Variants in PCDH15 observed in about 807,000 individuals in gnomAD.
PCDH15 encodes the protein protocadherin-15.
In PCDH15, 129 loss-of-function variants were observed where a neutral mutation model predicts 178.5. The observed-to-expected ratio is 0.72, with a 90% confidence interval of 0.63 to 0.84. The LOEUF (loss-of-function observed/expected upper bound fraction) is 0.84. PCDH15 is among the 40% of genes least tolerant of loss of function. The pLI, the probability that PCDH15 is intolerant of heterozygous loss-of-function variation, is 0.00. For synonymous variants in PCDH15, 800 were observed against 732.0 expected, an observed-to-expected ratio of 1.09 and a Z score of -1.50; for missense variants, 2,230 against 2,099.9, an observed-to-expected ratio of 1.06 and a Z score of -1.21.
At chr10:54,726,294 A>G (rs1165818672) in intron 1 of PCDH15, among the ~76,000 whole-genome samples, 1 of 151,660 alleles carries the variant, frequency 6.6e-6, no homozygotes, top group Non-Finnish European at 1.5e-5. Flanking sequence ...GAAAATAATT[A>G]TTATTATAGA....
chr10:55,118,712 C>G (rs1192486172), intron 2 of PCDH15, among the ~76,000 whole-genome samples: 9 of 152,062 alleles, frequency 5.9e-5, no homozygotes, highest in Non-Finnish European at 1.0e-4. Flanking sequence ...AAGGGTGAAG[C>G]CCAGAATTTT....
intron 32 of PCDH15, chr10:53,823,546 T>TA (rs1485411676): frequency 1.5e-5 from 11 of 730,870 alleles, no homozygotes; most frequent in South Asian, 1.0e-4. Flanking sequence ...AGAAAAATCT[T>TA]AGAGTTGTGA....
intron 3 of PCDH15, among the ~76,000 whole-genome samples, chr10:54,812,917 C>T (rs1261359550): frequency 6.6e-6 from 1 of 152,210 alleles, no homozygotes; most frequent in Non-Finnish European, 1.5e-5. Flanking sequence ...TCCAAGAACA[C>T]TATCCTCACT....
intron 10 of PCDH15, among the ~76,000 whole-genome samples, chr10:54,209,519 T>G (rs1435536742): frequency 6.6e-6 from 1 of 152,032 alleles, no homozygotes; most frequent in Non-Finnish European, 1.5e-5. Context: ...GTGTCTAGCT[T>G]GAGTGGGTGA....
intron 1 of PCDH15, among the ~76,000 whole-genome samples, chr10:54,796,171 A>AATT (rs771859274): frequency 7.2e-5 from 11 of 151,768 alleles, no homozygotes; most frequent in Non-Finnish European, 1.5e-4. Context: ...ACACACATTT[A>AATT]ATTTCATTCT....
chr10:54,748,690 G>T (rs912897638), intron 1 of PCDH15, among the ~76,000 whole-genome samples: 5 of 152,274 alleles, frequency 3.3e-5, no homozygotes, highest in Admixed American at 6.5e-5. Flanking sequence ...ATCCTAACCA[G>T]GACCTGGTAA....
At chr10:54,641,536 A>G (rs1448842869) in intron 2 of PCDH15, among the ~76,000 whole-genome samples, 1 of 150,466 alleles carries the variant, frequency 6.6e-6, no homozygotes, top group Non-Finnish European at 1.5e-5. Context: ...TTCCACTTCC[A>G]CTCCCCATTT....
Position 54,244,904 on chromosome 10 carries a change from T to G in PCDH15, c.877-7973A>C, listed in dbSNP as rs146204561. On this transcript the variant is annotated intron_variant, in intron 8 of 37. Transcript: ENST00000644397. The stretch of plus-strand genomic sequence containing the variant: ...AGACAATCTTGGGAGAATTTATTTG[T>G]TCATAATTTTAGTCTCATTAAATTT... 3.9e-4 allele frequency among the ~76,000 whole-genome samples: 59 copies of G among 152,340 alleles called. 1 individual carries two copies. The East Asian group carries it at 9.3e-3, about 24-fold the overall frequency.
chr10:54,574,000 C>A (rs941322917), intron 2 of PCDH15, among the ~76,000 whole-genome samples: 5 of 152,168 alleles, frequency 3.3e-5, no homozygotes, highest in African/African-American at 1.2e-4. Flanking sequence ...ATGGTAGTTT[C>A]TTTTGCTTTG....
intron 22 of PCDH15, 34 bp from the exon 23 acceptor site, chr10:53,959,878 A>T: frequency 6.5e-7 from 1 of 1,539,474 alleles, no homozygotes; most frequent in Non-Finnish European, 9.0e-7. Context: ...GTTAAAGATT[A>T]TAAGTAAGAA....
intron 1 of PCDH15, among the ~76,000 whole-genome samples, chr10:54,666,542 C>G (rs1451366042): frequency 6.6e-6 from 1 of 151,842 alleles, no homozygotes; most frequent in African/African-American, 2.4e-5. Context: ...GATTAGAGCT[C>G]TACTAAGATT....
intron 2 of PCDH15, among the ~76,000 whole-genome samples, chr10:55,408,565 G>C (rs959847976): frequency 6.6e-6 from 1 of 152,106 alleles, no homozygotes; most frequent in Non-Finnish European, 1.5e-5. Flanking sequence ...ACATAAATTT[G>C]AGAAGCCCAA....
At position 54,800,103 on chromosome 10, in the gene PCDH15, G is replaced by T. The variant is rs10509020; in HGVS notation, c.-29+822C>A. Among the ~76,000 whole-genome samples, 381 of 152,218 alleles carry T rather than the reference G, an allele frequency of 2.5e-3. 1 individual carries two copies. Among genetic ancestry groups the T allele is most frequent in the African/African-American group, 8.9e-3 (369 of 41,538 alleles). On this transcript the variant is annotated intron_variant, in intron 1 of 37. Coordinates refer to ENST00000644397, the MANE Select transcript of PCDH15 (RefSeq NM_001384140.1). ...ATCATATTATACTCTAGTTAACAATGGCTTTCTGCATACGTGCTACAAGTC... is the reference window on the plus strand; with the variant it reads ...ATCATATTATACTCTAGTTAACAATTGCTTTCTGCATACGTGCTACAAGTC...
At chr10:54,976,027 T>C (rs1490817782) in intron 2 of PCDH15, among the ~76,000 whole-genome samples, 1 of 152,104 alleles carries the variant, frequency 6.6e-6, no homozygotes, top group Non-Finnish European at 1.5e-5. Context: ...AAGTGTATCA[T>C]GGAATTTTAA....
At chr10:53,823,687 C>A in intron 32 of PCDH15, 1 of 472,962 alleles carries the variant, frequency 2.1e-6, no homozygotes. Flanking sequence ...CGTAACAGTT[C>A]CCTTATGCAC....
chr10:55,311,759 T>G (rs1001626645), intron 1 of PCDH15, among the ~76,000 whole-genome samples: 3 of 152,154 alleles, frequency 2.0e-5, no homozygotes, highest in African/African-American at 7.2e-5. Flanking sequence ...CAAATCAAAA[T>G]GTAGACTTCA....
intron 2 of PCDH15, among the ~76,000 whole-genome samples, chr10:55,466,763 A>G (rs1159419860): frequency 1.3e-5 from 2 of 152,190 alleles, no homozygotes; most frequent in Non-Finnish European, 2.9e-5. Context: ...GGGAAAAAAG[A>G]AAACAGTTCC....
At chr10:54,199,101 C>T (rs564262872) in intron 10 of PCDH15, among the ~76,000 whole-genome samples, 3 of 152,034 alleles carry the variant, frequency 2.0e-5, no homozygotes, top group Non-Finnish European at 4.4e-5. Context: ...TCTTAACTTC[C>T]TCATATCTAT....
intron 10 of PCDH15, among the ~76,000 whole-genome samples, chr10:54,203,690 C>CA (rs1445432306): frequency 1.3e-5 from 2 of 152,044 alleles, no homozygotes; most frequent in Non-Finnish European, 2.9e-5. Flanking sequence ...TCCTGGACAC[C>CA]ACACCTCTTG....
Sources: gnomAD v4.1 joint callset for allele counts (sites outside exome capture counted in the v4.1 genomes callset) on GRCh38, gnomAD v4.1.1 for gene constraint, MANE v1.5 for transcripts, NCBI Gene and HGNC (gene_info 2026-07-23, HGNC 2026-07-21) for gene names.